Variants in CSMD2 observed in about 807,000 individuals in gnomAD.
CSMD2 encodes CUB and Sushi multiple domains 2.
Under a neutral mutation model 398.5 loss-of-function variants are expected in CSMD2, and 130 were observed. The observed-to-expected ratio is 0.33, with a 90% CI of 0.28 to 0.38. CSMD2 has a LOEUF of 0.38. Ranked by LOEUF, CSMD2 falls within the 10% of genes least tolerant of loss-of-function variation. CSMD2 has a pLI of 1.00. For synonymous variants in CSMD2, 1,828 were observed against 1,908.5 expected, an observed-to-expected ratio of 0.96 and a Z score of 1.10; for missense variants, 3,829 against 4,764.9, an observed-to-expected ratio of 0.80 and a Z score of 5.78.
intron 25 of CSMD2, among the ~76,000 whole-genome samples, chr1:33,672,051 C>T (rs528316334): frequency 6.6e-6 from 1 of 152,200 alleles, no homozygotes; most frequent in African/African-American, 2.4e-5. Flanking sequence ...CAGCTCCCAG[C>T]ATGAGTGATG....
intron 4 of CSMD2, among the ~76,000 whole-genome samples, chr1:33,935,054 A>T (rs1644432206): frequency 6.6e-6 from 1 of 151,494 alleles, no homozygotes; most frequent in East Asian, 1.9e-4. Flanking sequence ...GAATGAAAGA[A>T]AAAAGAAAGG....
At position 33,586,623 on chromosome 1, in the gene CSMD2, A is replaced by G; in HGVS notation, c.6938-6T>C. 1 of 1,581,340 alleles carries G rather than the reference A, an allele frequency of 6.3e-7. No individual in the cohort carries two copies. The highest frequency in any genetic ancestry group is 1.1e-5 in the South Asian group (1 of 90,368). Reference sequence around the variant, plus strand: ...TCTGTAGCGTACGATGTCACCTGTCAAAGAAAGACCAACATGTAGACCCTC... The same window carrying G: ...TCTGTAGCGTACGATGTCACCTGTCGAAGAAAGACCAACATGTAGACCCTC... On this transcript the variant is annotated splice_polypyrimidine_tract_variant and splice_region_variant and intron_variant, in intron 45 of 70. Transcript: ENST00000373381.
At chr1:33,974,061 C>G (rs995501029) in intron 3 of CSMD2, among the ~76,000 whole-genome samples, 1 of 152,196 alleles carries the variant, frequency 6.6e-6, no homozygotes, top group Non-Finnish European at 1.5e-5. Context: ...TGTAAACACA[C>G]ATCATTCATT....
chr1:33,590,558 C>G (rs1639363774), intron 44 of CSMD2, among the ~76,000 whole-genome samples: 1 of 148,016 alleles, frequency 6.8e-6, no homozygotes, highest in Admixed American at 6.8e-5. Flanking sequence ...GCTGTAGGAT[C>G]TTGGGTCTTT....
chr1:33,669,437 T>C (rs1337524365), intron 25 of CSMD2, among the ~76,000 whole-genome samples: 2 of 152,236 alleles, frequency 1.3e-5, no homozygotes, highest in African/African-American at 4.8e-5. Flanking sequence ...ACCACTCCTC[T>C]GACCCAGTCT....
intron 1 of CSMD2, among the ~76,000 whole-genome samples, chr1:34,162,859 T>TAA (rs200180859): frequency 6.6e-6 from 1 of 151,834 alleles, no homozygotes; most frequent in African/African-American, 2.4e-5. Flanking sequence ...AACTCCGTCT[T>TAA]AAAAAAAATT....
intron 10 of CSMD2, among the ~76,000 whole-genome samples, chr1:33,794,983 A>G (rs1486330336): frequency 6.6e-6 from 1 of 151,862 alleles, no homozygotes; most frequent in Non-Finnish European, 1.5e-5. Flanking sequence ...GACCTGTAGC[A>G]AGGTCTAGAT....
chr1:34,084,734 G>T (rs1056859309), intron 2 of CSMD2, among the ~76,000 whole-genome samples: 17 of 151,890 alleles, frequency 1.1e-4, no homozygotes. Flanking sequence ...GAAACAACAG[G>T]TGCTGGAGAG....
At chr1:33,895,603 G>A (rs1262010447) in intron 5 of CSMD2, among the ~76,000 whole-genome samples, 5 of 152,314 alleles carry the variant, frequency 3.3e-5, no homozygotes, top group South Asian at 2.1e-4. Flanking sequence ...AGGCATTCAT[G>A]CAGAGCTTGA....
chr1:34,077,688 G>A (rs1339742141), intron 2 of CSMD2, among the ~76,000 whole-genome samples: 3 of 133,688 alleles, frequency 2.2e-5, no homozygotes, highest in Non-Finnish European at 4.6e-5. Context: ...AGTGAGCTGA[G>A]ATTGTGCCAC....
In CSMD2 at chr1:33,586,603, A is replaced by G; in HGVS notation, c.6952T>C (p.Tyr2318His). The G allele has an allele frequency of 6.2e-7, 1 of 1,612,050 alleles. No individual in the cohort carries two copies. Among genetic ancestry groups the G allele is most frequent in the South Asian group, 1.1e-5 (1 of 91,056 alleles). ...AAGGTAAAGCCAGGGAGGCATCTGTAGCGTACGATGTCACCTGTCAAAGAA... is the reference window on the plus strand; with the variant it reads ...AAGGTAAAGCCAGGGAGGCATCTGTGGCGTACGATGTCACCTGTCAAAGAA... ...EEFNIGDIVRYRCLPGFTLVG... is the reference protein window; with the variant it reads ...EEFNIGDIVRHRCLPGFTLVG... The change falls in exon 46 of 71, where the codon TAC (tyrosine) becomes CAC (histidine). Residue 2318 changes from tyrosine to histidine, a missense_variant. By Grantham distance (83) the Tyr-to-His change is moderately conservative (BLOSUM62 2). This residue lies in a region of CSMD2 where 723 missense variants were observed against 758.6 expected (regional missense o/e 0.95). Coordinates refer to ENST00000373381, the MANE Select transcript of CSMD2 (RefSeq NM_001281956.2).
intron 3 of CSMD2, among the ~76,000 whole-genome samples, chr1:33,974,363 A>AT (rs1645883003): frequency 6.6e-6 from 1 of 152,222 alleles, no homozygotes; most frequent in South Asian, 2.1e-4. Context: ...CTGCGTGCTC[A>AT]TTCTGCCTTT....
At chr1:33,898,250 C>G (rs576300157) in intron 5 of CSMD2, among the ~76,000 whole-genome samples, 1 of 152,160 alleles carries the variant, frequency 6.6e-6, no homozygotes, top group Non-Finnish European at 1.5e-5. Flanking sequence ...GAAGGGATAT[C>G]GTGGAGTCAT....
intron 9 of CSMD2, among the ~76,000 whole-genome samples, chr1:33,819,077 T>C (rs1657800819): frequency 6.6e-6 from 1 of 152,168 alleles, no homozygotes; most frequent in African/African-American, 2.4e-5. Flanking sequence ...GGGGCTTCTC[T>C]ACCACAGAAG....
At chr1:33,881,333 AT>A (rs1284274894) in intron 5 of CSMD2, among the ~76,000 whole-genome samples, 1 of 152,238 alleles carries the variant, frequency 6.6e-6, no homozygotes, top group African/African-American at 2.4e-5. Context: ...TAAATAAGTA[AT>A]TATTAAGTAT....
chr1:33,796,238 T>C (rs914709165), intron 10 of CSMD2, among the ~76,000 whole-genome samples: 36 of 152,358 alleles, frequency 2.4e-4, no homozygotes, highest in African/African-American at 8.7e-4. Context: ...AGACCTACAA[T>C]GTGCTCAATT....
chr1:34,129,191 C>T (rs1302006290), intron 1 of CSMD2, among the ~76,000 whole-genome samples: 1 of 152,182 alleles, frequency 6.6e-6, no homozygotes, highest in Non-Finnish European at 1.5e-5. Flanking sequence ...TCTGGGTGTC[C>T]CTTCCACCTG....
In CSMD2 at chr1:33,558,018, T is replaced by C. The variant is rs375128615; in HGVS notation, c.8555-96A>G. Reference sequence around the variant, plus strand: ...AATGAAGCAGACCCTGTCGGGAGGGTGAGCTGGTCCCAAGGTTGCTGGACT... The same window carrying C: ...AATGAAGCAGACCCTGTCGGGAGGGCGAGCTGGTCCCAAGGTTGCTGGACT... On this transcript the variant is annotated intron_variant, in intron 54 of 70. Transcript: ENST00000373381. The C allele has an allele frequency of 9.5e-5, 108 of 1,142,334 alleles. No individual in the cohort carries two copies. In the African/African-American group the frequency reaches 1.4e-3, roughly 15 times the overall value. The allele number at this position is 1,142,334 out of a possible 1,614,324, so 70.8% of individuals were successfully genotyped here.
chr1:33,966,016 G>A (rs551167634), intron 3 of CSMD2, among the ~76,000 whole-genome samples: 5 of 152,312 alleles, frequency 3.3e-5, no homozygotes, highest in Admixed American at 3.3e-4. Context: ...GGAACGAGGT[G>A]GAATGGCATG....
Sources: gnomAD v4.1 joint callset for allele counts (sites outside exome capture counted in the v4.1 genomes callset) on GRCh38, gnomAD v4.1.1 for gene constraint, gnomAD v4.1.1 regional missense constraint, MANE v1.5 for transcripts, NCBI Gene and HGNC (gene_info 2026-07-23, HGNC 2026-07-21) for gene names.